Variants in COLGALT2 observed in about 807,000 individuals in gnomAD.
COLGALT2 encodes collagen beta(1-O)galactosyltransferase 2.
COLGALT2 carries 49 observed loss-of-function variants against 73.4 expected under a neutral mutation model. That is an observed-to-expected ratio of 0.67 (90% confidence interval 0.53 to 0.85). The LOEUF is 0.85. Ranked by LOEUF, COLGALT2 falls within the 40% of genes least tolerant of loss-of-function variation. The pLI is 0.00. For missense variants in COLGALT2, 722 were observed against 790.2 expected (o/e 0.91, Z 1.03); for synonymous variants, 295 against 307.6 (o/e 0.96, Z 0.43).
chr1:183,965,993 A>G (rs1225124867), intron 5 of COLGALT2, among the ~76,000 whole-genome samples: 5 of 152,228 alleles, frequency 3.3e-5, no homozygotes, highest in Non-Finnish European at 7.3e-5. Flanking sequence ...GAGTCAACAA[A>G]TAATGCCCAC....
intron 1 of COLGALT2, among the ~76,000 whole-genome samples, chr1:184,028,534 G>A (rs1324582145): frequency 6.6e-6 from 1 of 152,168 alleles, no homozygotes; most frequent in East Asian, 1.9e-4. Context: ...AGTCCAAATG[G>A]GGAAAGCTCT....
chr1:184,005,214 C>T (rs963609072), intron 1 of COLGALT2, among the ~76,000 whole-genome samples: 3 of 152,180 alleles, frequency 2.0e-5, no homozygotes, highest in Non-Finnish European at 1.5e-5. Context: ...CTTCTCCAGG[C>T]TCCCTGGGCC....
At chr1:183,977,630 A>C (rs1273062474) in intron 2 of COLGALT2, among the ~76,000 whole-genome samples, 1 of 152,038 alleles carries the variant, frequency 6.6e-6, no homozygotes, top group African/African-American at 2.4e-5. Flanking sequence ...TACAAAAAAT[A>C]AAAATAAAAT....
chr1:184,033,321 A>C lies in COLGALT2; in HGVS notation c.263+3774T>G, dbSNP rs182090932. Reference sequence around the variant, plus strand: ...ACTTGCTCATGGTTCCACTGAATTAAGGAGAACCCACTGAAGTACACTACC... The same window carrying C: ...ACTTGCTCATGGTTCCACTGAATTACGGAGAACCCACTGAAGTACACTACC... On this transcript the variant is annotated intron_variant, in intron 1 of 11. Coordinates refer to ENST00000361927, the MANE Select transcript of COLGALT2 (RefSeq NM_015101.4). Among the ~76,000 whole-genome samples, 247 of 152,338 alleles carry C rather than the reference A, an allele frequency of 1.6e-3. 1 individual carries two copies. The highest frequency in any genetic ancestry group is 5.6e-3 in the African/African-American group (234 of 41,578).
At chr1:184,025,203 T>G (rs141164378) in intron 1 of COLGALT2, among the ~76,000 whole-genome samples, 2 of 152,378 alleles carry the variant, frequency 1.3e-5, no homozygotes, top group African/African-American at 4.8e-5. Context: ...TAACCTTCAG[T>G]CACCTGCTGG....
intron 1 of COLGALT2, among the ~76,000 whole-genome samples, chr1:184,004,709 T>C (rs1353000090): frequency 6.6e-6 from 1 of 152,136 alleles, no homozygotes; most frequent in African/African-American, 2.4e-5. Context: ...CTGGTAATTT[T>C]GTAGAAAAAT....
At chr1:183,970,063 C>T (rs1466839998) in intron 4 of COLGALT2, among the ~76,000 whole-genome samples, 2 of 152,178 alleles carry the variant, frequency 1.3e-5, no homozygotes, top group African/African-American at 4.8e-5. Flanking sequence ...TACACTGTGG[C>T]TAATATTTGT....
rs1159789037 is a variant in COLGALT2 at position 183,937,307 on chromosome 1, C to T, written c.*1454G>A. ...GGGTTTTTCTGGAGACAAAAATTTA[C>T]AGATTGAGGGCATGAGAACATAAAC... On this transcript the variant is annotated 3_prime_UTR_variant, in exon 12 of 12. Transcript: ENST00000361927. 9.2e-6 allele frequency: 10 copies of T among 1,088,164 alleles called. No homozygotes were observed. Among genetic ancestry groups the T allele is most frequent in the African/African-American group, 1.6e-5 (1 of 60,990 alleles). 67.4% of individuals were successfully genotyped at this position (1,088,164 alleles called of 1,614,324 possible).
intron 1 of COLGALT2, among the ~76,000 whole-genome samples, chr1:184,017,520 A>G (rs1649043348): frequency 6.6e-6 from 1 of 152,170 alleles, no homozygotes; most frequent in African/African-American, 2.4e-5. Flanking sequence ...TATAAGCCGC[A>G]TTATTCCACC....
intron 10 of COLGALT2, 118 bp from the exon 11 acceptor site, chr1:183,940,905 A>T (rs536908793): frequency 1.1e-6 from 1 of 871,878 alleles, no homozygotes; most frequent in African/African-American, 1.7e-5. Context: ...TCTGTCTGTC[A>T]TTAAATGATG....
At chr1:184,034,743 G>A (rs1050688119) in intron 1 of COLGALT2, among the ~76,000 whole-genome samples, 1 of 152,114 alleles carries the variant, frequency 6.6e-6, no homozygotes, top group Non-Finnish European at 1.5e-5. Flanking sequence ...AGAACCACGA[G>A]CTCTTATTAT....
At chr1:184,018,598 G>T (rs908759109) in intron 1 of COLGALT2, among the ~76,000 whole-genome samples, 1 of 151,952 alleles carries the variant, frequency 6.6e-6, no homozygotes, top group South Asian at 2.1e-4. Flanking sequence ...ATAAAATCTA[G>T]GAACACTATA....
rs1409743932 is a variant in COLGALT2, at chr1:183,962,757, C to T, written c.952+1144G>A. ...CCTGGCCTGAGACCAGCAGCCACTGCCCATGCATCCCATGCATGCTCCACC... is the reference window on the plus strand; with the variant it reads ...CCTGGCCTGAGACCAGCAGCCACTGTCCATGCATCCCATGCATGCTCCACC... On this transcript the variant is annotated intron_variant, in intron 6 of 11. Transcript: ENST00000361927. 3.9e-5 allele frequency among the ~76,000 whole-genome samples: 6 copies of T among 152,292 alleles called. No individual in the cohort carries two copies. The East Asian group carries it at 1.2e-3, about 29-fold the overall frequency.
At chr1:183,930,332 AAGG>A (rs763329626) in intron 11 of COLGALT2, 4 of 455,980 alleles carry the variant, frequency 8.8e-6, no homozygotes, top group South Asian at 1.6e-5. Context: ...GAGATGCTGA[AAGG>A]AGAAAATACT....
intron 2 of COLGALT2, among the ~76,000 whole-genome samples, chr1:183,976,674 A>G (rs928072449): frequency 6.6e-6 from 1 of 152,086 alleles, no homozygotes; most frequent in Non-Finnish European, 1.5e-5. Context: ...CTGAGGGGAG[A>G]GGGGGAATAT....
intron 1 of COLGALT2, among the ~76,000 whole-genome samples, chr1:184,031,951 C>T (rs1244311518): frequency 6.6e-6 from 1 of 151,960 alleles, no homozygotes; most frequent in Non-Finnish European, 1.5e-5. Context: ...GGAAGAAGCA[C>T]AGTGGCTCAA....
intron 10 of COLGALT2, among the ~76,000 whole-genome samples, chr1:183,941,435 GTCCTCCGTGAACAACT>G (rs1171075862): frequency 4.6e-5 from 7 of 152,124 alleles, no homozygotes; most frequent in Non-Finnish European, 1.0e-4. Flanking sequence ...GGCACCTTCC[GTCCTCCGTGAACAACT>G]TCTACAACAC....
chr1:184,010,849 C>T (rs2102846921), intron 1 of COLGALT2, among the ~76,000 whole-genome samples: 2 of 152,298 alleles, frequency 1.3e-5, no homozygotes, highest in Admixed American at 1.3e-4. Flanking sequence ...ATGGAATCTC[C>T]TGTCCAGATT....
chr1:184,035,912 T>C (rs1649659010), intron 1 of COLGALT2, among the ~76,000 whole-genome samples: 1 of 152,210 alleles, frequency 6.6e-6, no homozygotes, highest in Admixed American at 6.5e-5. Context: ...AGCTGTACTA[T>C]ATCACATGTT....
Sources: gnomAD v4.1 joint callset for allele counts (sites outside exome capture counted in the v4.1 genomes callset) on GRCh38, gnomAD v4.1.1 for gene constraint, MANE v1.5 for transcripts, NCBI Gene and HGNC (gene_info 2026-07-23, HGNC 2026-07-21) for gene names.